MYO1D: variants seen among roughly 807,000 people sequenced by gnomAD.
MYO1D encodes the protein myosin ID, also known as unconventional myosin-Id.
In MYO1D, 83 loss-of-function variants were observed where a neutral mutation model predicts 122.0. The ratio of observed to expected loss-of-function variants is 0.68; its 90% CI spans 0.57 to 0.82. The LOEUF (loss-of-function observed/expected upper bound fraction) is 0.82. Among genes scored for constraint, MYO1D ranks in the 40% least tolerant of loss-of-function variants. The probability of loss-of-function intolerance (pLI) is 0.00; values close to 1 mark genes in which losing one functional copy is unlikely to be tolerated. For missense variants in MYO1D, 1,157 were observed against 1,269.5 expected, an observed-to-expected ratio of 0.91 and a Z score of 1.35; for synonymous variants, 464 against 446.9, an observed-to-expected ratio of 1.04 and a Z score of -0.48.
chr17:32,547,768 G>A (rs753861885), intron 21 of MYO1D, among the ~76,000 whole-genome samples: 1 of 151,476 alleles, frequency 6.6e-6, no homozygotes, highest in Non-Finnish European at 1.5e-5. Context: ...CCAACATGGC[G>A]AAACCCTGAA....
At chr17:32,861,924 A>T (rs957317211) in intron 1 of MYO1D, among the ~76,000 whole-genome samples, 1 of 152,222 alleles carries the variant, frequency 6.6e-6, no homozygotes, top group Non-Finnish European at 1.5e-5. Context: ...AGGCTGAGAT[A>T]GGAGAATAGC....
At chr17:32,863,428 C>A (rs1291546239) in intron 1 of MYO1D, among the ~76,000 whole-genome samples, 1 of 152,226 alleles carries the variant, frequency 6.6e-6, no homozygotes, top group African/African-American at 2.4e-5. Flanking sequence ...CATATTAACT[C>A]CTTTTTTATA....
At chr17:32,595,447 T>C (rs756701319) in intron 21 of MYO1D, among the ~76,000 whole-genome samples, 1 of 152,152 alleles carries the variant, frequency 6.6e-6, no homozygotes, top group Non-Finnish European at 1.5e-5. Context: ...CCCATAAATA[T>C]GTATAATCAT....
chr17:32,797,217 C>T (rs1045322471), intron 1 of MYO1D, among the ~76,000 whole-genome samples: 4 of 152,238 alleles, frequency 2.6e-5, no homozygotes, highest in Non-Finnish European at 5.9e-5. Flanking sequence ...GATCCACCCG[C>T]CTCGGCCTCC....
intron 8 of MYO1D, 21 bp downstream of exon 8, chr17:32,764,857 T>C (rs202109655): frequency 9.4e-5 from 152 of 1,612,340 alleles, no homozygotes; most frequent in Non-Finnish European, 1.2e-4. Context: ...CCAGGTGACA[T>C]AGGGTCAGTT....
At chr17:32,805,831 C>T (rs1419713341) in intron 1 of MYO1D, among the ~76,000 whole-genome samples, 3 of 152,302 alleles carry the variant, frequency 2.0e-5, no homozygotes, top group Admixed American at 6.5e-5. Flanking sequence ...CCTAGAGTTA[C>T]TCCCTGATAG....
intron 21 of MYO1D, among the ~76,000 whole-genome samples, chr17:32,565,754 T>A (rs1375902901): frequency 5.9e-5 from 9 of 151,956 alleles, no homozygotes; most frequent in African/African-American, 2.2e-4. Flanking sequence ...AGACAGAGTC[T>A]CCATCTGTGG....
intron 21 of MYO1D, among the ~76,000 whole-genome samples, chr17:32,552,444 C>CCATCCATCCATCCATT (rs2087025987): frequency 6.6e-6 from 1 of 151,650 alleles, no homozygotes; most frequent in African/African-American, 2.4e-5. Flanking sequence ...ATCCATCCAT[C>CCATCCATCCATCCATT]CATCCATCCA....
At chr17:32,767,780 T>C (rs1297174728) in intron 6 of MYO1D, 28 bp from the exon 7 acceptor site, 1 of 1,464,278 alleles carries the variant, frequency 6.8e-7, no homozygotes, top group Admixed American at 1.7e-5. Flanking sequence ...AAACTGAAGT[T>C]ACAGATATTT....
At chr17:32,828,470 C>G (rs1171370287) in intron 1 of MYO1D, among the ~76,000 whole-genome samples, 1 of 136,112 alleles carries the variant, frequency 7.3e-6, no homozygotes, top group Non-Finnish European at 1.5e-5. Context: ...GAGCAGAGAT[C>G]GCACCACTGA....
intron 16 of MYO1D, among the ~76,000 whole-genome samples, chr17:32,701,522 A>C (rs980829644): frequency 5.3e-5 from 8 of 152,220 alleles, no homozygotes; most frequent in Admixed American, 5.2e-4. Flanking sequence ...GATATAATTC[A>C]TCTATTCTTG....
chr17:32,818,608 T>C (rs762560582), intron 1 of MYO1D, among the ~76,000 whole-genome samples: 4 of 152,224 alleles, frequency 2.6e-5, no homozygotes, highest in Non-Finnish European at 2.9e-5. Context: ...GCCTAAGTTT[T>C]AGAGTCCAGT....
intron 16 of MYO1D, among the ~76,000 whole-genome samples, chr17:32,663,808 C>T (rs182874321): frequency 7.4e-4 from 113 of 152,274 alleles, no homozygotes; most frequent in African/African-American, 2.4e-3. Flanking sequence ...AAAAGTAGTA[C>T]GACTTTTCAG....
chr17:32,721,774 G>A (rs892669841), intron 14 of MYO1D, among the ~76,000 whole-genome samples: 4 of 152,090 alleles, frequency 2.6e-5, no homozygotes, highest in Non-Finnish European at 5.9e-5. Flanking sequence ...CTATGAAGGA[G>A]CTCAGCTAGC....
At chr17:32,692,540 A>G (rs1286801839) in intron 16 of MYO1D, among the ~76,000 whole-genome samples, 1 of 152,264 alleles carries the variant, frequency 6.6e-6, no homozygotes, top group Non-Finnish European at 1.5e-5. Flanking sequence ...AAATGTCAGC[A>G]TGGTGACTAA....
intron 1 of MYO1D, among the ~76,000 whole-genome samples, chr17:32,844,660 G>A (rs2090918902): frequency 1.3e-5 from 2 of 151,994 alleles, no homozygotes; most frequent in East Asian, 1.9e-4. Flanking sequence ...AGGAACTTGA[G>A]GCTGCAGTGA....
chr17:32,624,036 A>G (rs1439949871), intron 20 of MYO1D, among the ~76,000 whole-genome samples: 1 of 152,110 alleles, frequency 6.6e-6, no homozygotes, highest in Non-Finnish European at 1.5e-5. Context: ...CATATACGTA[A>G]GTGATAAAAA....
intron 1 of MYO1D, among the ~76,000 whole-genome samples, chr17:32,862,220 A>T (rs1391397110): frequency 6.6e-6 from 1 of 152,024 alleles, no homozygotes; most frequent in African/African-American, 2.4e-5. Context: ...CCTATGGGGG[A>T]ACTCTGCTCT....
At chr17:32,651,557 C>T (rs985281657) in intron 19 of MYO1D, among the ~76,000 whole-genome samples, 12 of 151,988 alleles carry the variant, frequency 7.9e-5, no homozygotes, top group African/African-American at 2.7e-4. Context: ...CTCATCACCT[C>T]ATTTTTTTCT....
Sources: gnomAD v4.1 joint callset for allele counts (sites outside exome capture counted in the v4.1 genomes callset) on GRCh38, gnomAD v4.1.1 for gene constraint, MANE v1.5 for transcripts, NCBI Gene and HGNC (gene_info 2026-07-23, HGNC 2026-07-21) for gene names.